Variants in TMEM132B observed in about 807,000 individuals in gnomAD.
The protein encoded by TMEM132B is transmembrane protein 132B.
Under a neutral mutation model 90.8 loss-of-function variants are expected in TMEM132B, and 18 were observed. That is an observed-to-expected ratio of 0.20 (90% CI 0.14 to 0.29). The LOEUF is 0.29. Ranked by LOEUF, TMEM132B falls within the 10% of genes least tolerant of loss-of-function variation. TMEM132B has a pLI of 1.00. For missense variants in TMEM132B, 1,096 were observed against 1,326.8 expected, an observed-to-expected ratio of 0.83 and a Z score of 2.70; for synonymous variants, 504 against 523.3, an observed-to-expected ratio of 0.96 and a Z score of 0.50.
chr12:125,385,965 C>T (rs144341496), intron 2 of TMEM132B, among the ~76,000 whole-genome samples: 468 of 152,224 alleles, frequency 3.1e-3, no homozygotes, highest in Middle Eastern at 0.01. Flanking sequence ...GTGAATTAAA[C>T]AAGTAATGAA....
intron 5 of TMEM132B, among the ~76,000 whole-genome samples, chr12:125,643,796 TACAC>T (rs1886688775): frequency 6.6e-6 from 1 of 152,186 alleles, no homozygotes; most frequent in Non-Finnish European, 1.5e-5. Flanking sequence ...AAAACACACA[TACAC>T]ACAAAAGGCA....
intron 4 of TMEM132B, among the ~76,000 whole-genome samples, chr12:125,581,562 A>T (rs1885055316): frequency 6.6e-6 from 1 of 152,138 alleles, no homozygotes; most frequent in South Asian, 2.1e-4. Context: ...GTGTTCTGGG[A>T]TCAGCGCCAC....
intron 1 of TMEM132B, among the ~76,000 whole-genome samples, chr12:125,228,690 G>T (rs10773149): frequency 0.22 from 33,999 of 152,020 alleles, 4,093 homozygotes; most frequent in East Asian, 0.35. Flanking sequence ...TGCAGCAGAC[G>T]TCACTGGTGC....
At position 125,476,133 on chromosome 12, in the gene TMEM132B, G is replaced by A. The variant is rs56244378; in HGVS notation, c.1107-43306G>A. ...TTTGTTCTAAAAATGGAAAGAACTG[G>A]CCATTTTGGTAAGGAAAATTATATT... is the stretch of plus-strand genomic sequence containing the variant. On this transcript the variant is annotated intron_variant, in intron 3 of 8. Transcript: ENST00000682704. 3.7e-3 allele frequency among the ~76,000 whole-genome samples: 561 copies of A among 152,228 alleles called. 4 individuals are homozygous for A. The highest frequency in any genetic ancestry group is 0.013 in the African/African-American group (536 of 41,538).
At chr12:125,195,358 G>C (rs370208993) in intron 1 of TMEM132B, among the ~76,000 whole-genome samples, 1 of 151,258 alleles carries the variant, frequency 6.6e-6, no homozygotes, top group East Asian at 1.9e-4. Context: ...TGGAGTGGGC[G>C]AGCAGAGATG....
At chr12:125,525,172 C>G (rs1883414877) in intron 4 of TMEM132B, among the ~76,000 whole-genome samples, 1 of 152,130 alleles carries the variant, frequency 6.6e-6, no homozygotes, top group Non-Finnish European at 1.5e-5. Flanking sequence ...GCTAGGATGT[C>G]TGATCTTTGT....
rs951940285 is a variant in TMEM132B at position 125,529,221 on chromosome 12, A to G, written c.1293+9596A>G. ...TGCCTTAGCCTCCCAAGTAGCTGGG[A>G]CCACAGGCATGCCACCATGCCTGGT... On this transcript the variant is annotated intron_variant, in intron 4 of 8. Transcript: ENST00000682704. Among the ~76,000 whole-genome samples the G allele has an allele frequency of 2.0e-5, 3 of 152,056 alleles. No homozygotes were observed. The East Asian group carries it at 5.8e-4, about 29-fold the overall frequency.
intron 1 of TMEM132B, among the ~76,000 whole-genome samples, chr12:125,345,214 G>C (rs1473792998): frequency 6.6e-6 from 1 of 152,150 alleles, no homozygotes; most frequent in African/African-American, 2.4e-5. Flanking sequence ...GAGTTGTTTT[G>C]TGTGAATTAG....
chr12:125,510,570 A>C (rs1882952433), intron 3 of TMEM132B, among the ~76,000 whole-genome samples: 1 of 152,208 alleles, frequency 6.6e-6, no homozygotes. Context: ...TTTACGTAAA[A>C]TATTTCTTGA....
At chr12:125,486,254 A>T (rs77001711) in intron 3 of TMEM132B, among the ~76,000 whole-genome samples, 12,572 of 152,236 alleles carry the variant, frequency 0.083, 574 homozygotes, top group Non-Finnish European at 0.12. Context: ...CTGATTTATT[A>T]TGGCATATTA....
intron 1 of TMEM132B, among the ~76,000 whole-genome samples, chr12:125,338,049 T>C (rs1266847324): frequency 2.0e-5 from 3 of 152,258 alleles, no homozygotes; most frequent in Admixed American, 6.5e-5. Context: ...TCTTCCCTTT[T>C]TCACATTTTA....
chr12:125,600,569 A>G (rs1004344181), intron 5 of TMEM132B, among the ~76,000 whole-genome samples: 2 of 152,212 alleles, frequency 1.3e-5, no homozygotes, highest in Non-Finnish European at 2.9e-5. Flanking sequence ...AACTGAGTAA[A>G]TGAATAAATG....
chr12:125,564,104 T>C (rs942278785), intron 4 of TMEM132B, among the ~76,000 whole-genome samples: 15 of 152,210 alleles, frequency 9.9e-5, no homozygotes, highest in Non-Finnish European at 2.1e-4. Flanking sequence ...CGGCTAGATT[T>C]GATATAATAC....
At chr12:125,589,305 AC>A (rs1177225598) in intron 5 of TMEM132B, among the ~76,000 whole-genome samples, 4 of 151,896 alleles carry the variant, frequency 2.6e-5, no homozygotes, top group Admixed American at 2.6e-4. Flanking sequence ...ACACGGTGAA[AC>A]CCTGTCTCTA....
At chr12:125,494,231 T>C (rs1882451201) in intron 3 of TMEM132B, among the ~76,000 whole-genome samples, 1 of 108,132 alleles carries the variant, frequency 9.2e-6, no homozygotes, top group Non-Finnish European at 1.8e-5. Context: ...CCCTCCTCCC[T>C]GGAAATGGCC....
chr12:125,390,665 A>G (rs1340991567), intron 2 of TMEM132B, among the ~76,000 whole-genome samples: 1 of 152,200 alleles, frequency 6.6e-6, no homozygotes, highest in Admixed American at 6.5e-5. Context: ...GCTGGCTGCC[A>G]TGTTGAGGAT....
intron 1 of TMEM132B, among the ~76,000 whole-genome samples, chr12:125,238,853 G>A (rs902823213): frequency 2.0e-5 from 3 of 152,206 alleles, no homozygotes; most frequent in African/African-American, 7.2e-5. Context: ...GAAGCAGATG[G>A]TAGGCCTGAA....
chr12:125,227,436 A>G (rs1005914895), intron 1 of TMEM132B, among the ~76,000 whole-genome samples: 2 of 152,134 alleles, frequency 1.3e-5, no homozygotes, highest in African/African-American at 2.4e-5. Flanking sequence ...TGGGATTCAG[A>G]CCCAGGTGGT....
chr12:125,442,392 T>G (rs1880900860), intron 3 of TMEM132B, among the ~76,000 whole-genome samples: 1 of 152,220 alleles, frequency 6.6e-6, no homozygotes, highest in African/African-American at 2.4e-5. Context: ...AGGCAAATAC[T>G]ACAGTTATTT....
Sources: gnomAD v4.1 joint callset for allele counts (sites outside exome capture counted in the v4.1 genomes callset) on GRCh38, gnomAD v4.1.1 for gene constraint, MANE v1.5 for transcripts, NCBI Gene and HGNC (gene_info 2026-07-23, HGNC 2026-07-21) for gene names.